CLASP2: variants seen among roughly 807,000 people sequenced by gnomAD.
CLASP2 encodes the protein CLIP-associating protein 2.
In CLASP2, 47 loss-of-function variants were observed where a neutral mutation model predicts 194.4. The observed-to-expected ratio is 0.24, with a 90% confidence interval of 0.19 to 0.31. The LOEUF (loss-of-function observed/expected upper bound fraction) is 0.31. Ranked by LOEUF, CLASP2 falls within the 10% of genes least tolerant of loss-of-function variation. The probability of loss-of-function intolerance (pLI) is 1.00; values close to 1 mark genes in which losing one functional copy is unlikely to be tolerated. For synonymous variants in CLASP2, 619 were observed against 633.5 expected, an observed-to-expected ratio of 0.98 and a Z score of 0.34; for missense variants, 1,445 against 1,823.6, an observed-to-expected ratio of 0.79 and a Z score of 3.78.
intron 34 of CLASP2, among the ~76,000 whole-genome samples, chr3:33,526,448 G>C (rs1160534797): frequency 6.6e-6 from 1 of 152,130 alleles, no homozygotes; most frequent in African/African-American, 2.4e-5. Context: ...AAATATATAT[G>C]CACCCAACAC....
At chr3:33,523,651 G>A (rs920760292) in intron 34 of CLASP2, among the ~76,000 whole-genome samples, 1 of 152,078 alleles carries the variant, frequency 6.6e-6, no homozygotes, top group African/African-American at 2.4e-5. Flanking sequence ...CTCAATAAAC[G>A]TAAATATATA....
At chr3:33,501,285 T>C (rs774818862) in intron 38 of CLASP2, among the ~76,000 whole-genome samples, 66 of 152,314 alleles carry the variant, frequency 4.3e-4, no homozygotes, top group Non-Finnish European at 8.1e-4. Flanking sequence ...TATACAGTAA[T>C]CCATTAATAT....
rs1575843835 is a variant in CLASP2 at position 33,717,883 on chromosome 3, G to A, written c.120C>T (p.Asp40=). The A allele has an allele frequency of 1.9e-6, 3 of 1,559,708 alleles. No homozygotes were observed. Among genetic ancestry groups the A allele is most frequent in the Middle Eastern group, 1.7e-4 (1 of 5,998 alleles). ...CTAGGCGGCCCAGGTCCTCCTCCAG[G>A]TCCGAGATGGCGCCGGGGGCGCCAA... ...LYLGAPGAIS[D]LEEDLGRLGK... is the part of the protein sequence containing the mutation. Residue 40 remains aspartate, a synonymous_variant, in exon 1 of 39, where the codon GAC becomes GAT. Transcript: ENST00000682230.
intron 32 of CLASP2, among the ~76,000 whole-genome samples, chr3:33,541,472 C>T (rs141200946): frequency 2.8e-4 from 42 of 152,242 alleles, no homozygotes; most frequent in Admixed American, 1.2e-3. Context: ...TTTCCTGATC[C>T]TCTCCCTCCT....
intron 29 of CLASP2, among the ~76,000 whole-genome samples, chr3:33,554,092 G>C (rs2060496219): frequency 6.6e-6 from 1 of 152,088 alleles, no homozygotes; most frequent in African/African-American, 2.4e-5. Flanking sequence ...GCCGGGCGTG[G>C]TGGTGGGCGC....
Position 33,718,166 on chromosome 3 carries a change from C to A in CLASP2, c.-164G>T. ...GGCGGCGGGAGGAACGCCAAGCGCC[C>A]AGCCGCCCCCAAACTAGTCAAACTC... On this transcript the variant is annotated 5_prime_UTR_variant, in exon 1 of 39. Transcript: ENST00000682230. 1.8e-6 allele frequency: 1 copy of A among 570,552 alleles called. No individual in the cohort carries two copies. Among genetic ancestry groups the A allele is most frequent in the South Asian group, 3.2e-5 (1 of 30,838 alleles). 35.3% of individuals were successfully genotyped at this position (570,552 alleles called of 1,614,324 possible).
chr3:33,535,387 A>G lies in CLASP2; in HGVS notation c.3633T>C (p.Asp1211=), dbSNP rs759532893. The G allele has an allele frequency of 6.2e-7, 1 of 1,614,006 alleles. No homozygotes were observed. The highest frequency in any genetic ancestry group is 1.1e-5 in the South Asian group (1 of 91,080). The change falls in exon 34 of 39, where the codon GAT becomes GAC. Residue 1211 remains aspartate, a synonymous_variant. Coordinates refer to ENST00000682230, the MANE Select transcript of CLASP2 (RefSeq NM_001365631.1). ...TTGAATGGAGCAATGAAGCTTTATT[A>G]TCAAGAGCTGTTTGACTTGAGTCAG... ...DATDSSQTAL[D]NKASLLHSMP...
intron 1 of CLASP2, among the ~76,000 whole-genome samples, chr3:33,705,863 A>C (rs1409490367): frequency 1.3e-5 from 2 of 152,228 alleles, no homozygotes; most frequent in Non-Finnish European, 1.5e-5. Context: ...AATGATTTCC[A>C]CAGTATACTG....
Position 33,632,370 on chromosome 3 carries a change from A to G in CLASP2, c.864T>C (p.Gly288=), listed in dbSNP as rs757993278. The G allele has an allele frequency of 1.9e-6, 3 of 1,590,216 alleles. No individual in the cohort carries two copies. The East Asian group carries it at 6.8e-5, about 36-fold the overall frequency. Residue 288 remains glycine, a splice_region_variant and synonymous_variant, in exon 9 of 39, where the codon GGT becomes GGC. Coordinates refer to ENST00000682230, the MANE Select transcript of CLASP2 (RefSeq NM_001365631.1). ...CTCCAGCACCTCCTTCCTTAGAAGC[A>G]CCTGCTAATTAAAAGGAAATTAATT... ...PGSAGGPKVG[G]ASKEGGAGAV...
At chr3:33,671,943 C>G (rs947178221) in intron 6 of CLASP2, among the ~76,000 whole-genome samples, 1 of 152,222 alleles carries the variant, frequency 6.6e-6, no homozygotes, top group African/African-American at 2.4e-5. Context: ...AGCTGGGAAG[C>G]TCCAACTGGG....
chr3:33,542,212 G>C (rs542049721), intron 32 of CLASP2, among the ~76,000 whole-genome samples: 3 of 152,026 alleles, frequency 2.0e-5, no homozygotes, highest in South Asian at 2.1e-4. Flanking sequence ...ATACAAGTGT[G>C]TGAAAATTGT....
At chr3:33,602,333 T>A in intron 18 of CLASP2, 1 of 544,184 alleles carries the variant, frequency 1.8e-6, no homozygotes. Flanking sequence ...ATTTCAGATT[T>A]CAGATTTTTA....
intron 34 of CLASP2, among the ~76,000 whole-genome samples, chr3:33,530,290 T>A (rs1273920196): frequency 6.6e-6 from 1 of 151,756 alleles, no homozygotes; most frequent in Non-Finnish European, 1.5e-5. Context: ...GCCTGGACAA[T>A]ATCACAAAAC....
At chr3:33,683,828 T>C (rs2090197736) in intron 6 of CLASP2, among the ~76,000 whole-genome samples, 1 of 149,186 alleles carries the variant, frequency 6.7e-6, no homozygotes. Context: ...TAGTCCCAGC[T>C]ACTTGGGAGG....
At chr3:33,515,784 G>A (rs1244230367) in intron 36 of CLASP2, among the ~76,000 whole-genome samples, 2 of 152,162 alleles carry the variant, frequency 1.3e-5, no homozygotes, top group Middle Eastern at 3.4e-3. Flanking sequence ...GTGAAGTGAA[G>A]GAGAAAACAA....
intron 12 of CLASP2, among the ~76,000 whole-genome samples, chr3:33,619,311 C>A (rs1465868207): frequency 6.6e-6 from 1 of 152,122 alleles, no homozygotes; most frequent in Non-Finnish European, 1.5e-5. Flanking sequence ...TGTGATTATA[C>A]ACACACGTAA....
chr3:33,644,629 G>T, intron 8 of CLASP2, 128 bp downstream of exon 8: 3 of 946,924 alleles, frequency 3.2e-6, no homozygotes, highest in African/African-American at 1.6e-5. Context: ...TCTGAATGTT[G>T]CAACAGACTC....
chr3:33,691,725 A>G (rs1469285400), intron 2 of CLASP2, among the ~76,000 whole-genome samples: 2 of 152,246 alleles, frequency 1.3e-5, no homozygotes, highest in Non-Finnish European at 2.9e-5. Flanking sequence ...CAAATGTTAG[A>G]TATTATTATG....
intron 6 of CLASP2, among the ~76,000 whole-genome samples, chr3:33,674,491 C>T (rs1441375801): frequency 6.6e-6 from 1 of 150,954 alleles, no homozygotes; most frequent in Non-Finnish European, 1.5e-5. Flanking sequence ...CAGGAAAGAT[C>T]CAAAATTGAC....
Sources: allele counts gnomAD v4.1 joint callset (sites outside exome capture counted in the v4.1 genomes callset), GRCh38; gene constraint gnomAD v4.1.1; transcripts MANE v1.5; gene names NCBI Gene and HGNC (gene_info 2026-07-23, HGNC 2026-07-21).